The following TXNDC16 variants were observed in gnomAD, a reference collection of about 807,000 sequenced individuals.
TXNDC16 encodes thioredoxin domain containing 16, also known as thioredoxin domain-containing protein 16.
In TXNDC16, 74 loss-of-function variants were observed where a neutral mutation model predicts 85.6. That is an observed-to-expected ratio of 0.86 (90% CI 0.72 to 1.05). The LOEUF (loss-of-function observed/expected upper bound fraction) is 1.05. TXNDC16 is among the 50% of genes least tolerant of loss of function. The pLI is 0.00. For missense variants in TXNDC16, 959 were observed against 947.0 expected, an observed-to-expected ratio of 1.01 and a Z score of -0.17; for synonymous variants, 335 against 326.5, an observed-to-expected ratio of 1.03 and a Z score of -0.28.
chr14:52,471,111 T>C (rs374331436), intron 14 of TXNDC16, among the ~76,000 whole-genome samples: 24 of 152,358 alleles, frequency 1.6e-4, no homozygotes, highest in Middle Eastern at 3.4e-3. Context: ...ACTCAACAAG[T>C]CTAAAACCAT....
At chr14:52,491,065 A>C in intron 9 of TXNDC16, 60 bp from the exon 10 acceptor site, 2 of 1,495,194 alleles carry the variant, frequency 1.3e-6, no homozygotes, top group East Asian at 2.4e-5. Flanking sequence ...TTTGGATTTA[A>C]ATTCTCCTAA....
chr14:52,445,232 T>C (rs1402959012), intron 18 of TXNDC16, among the ~76,000 whole-genome samples: 1 of 152,186 alleles, frequency 6.6e-6, no homozygotes, highest in African/African-American at 2.4e-5. Context: ...TAATAACATG[T>C]CATTAATAAC....
At chr14:52,525,625 G>GAGGCGGAGGTTGCAGTGA (rs1483050156) in intron 6 of TXNDC16, among the ~76,000 whole-genome samples, 2 of 151,156 alleles carry the variant, frequency 1.3e-5, no homozygotes, top group African/African-American at 4.9e-5. Context: ...TTGAACCCAG[G>GAGGCGGAGGTTGCAGTGA]AGGCGGAGGT....
At chr14:52,519,077 T>C (rs1330496563) in intron 7 of TXNDC16, 95 bp downstream of exon 7, 2 of 1,245,736 alleles carry the variant, frequency 1.6e-6, no homozygotes, top group East Asian at 2.4e-5. Flanking sequence ...ATTTTAAATA[T>C]TACGACTGTA....
chr14:52,459,713 C>A (rs774239080), intron 16 of TXNDC16, among the ~76,000 whole-genome samples: 1 of 152,198 alleles, frequency 6.6e-6, no homozygotes, highest in African/African-American at 2.4e-5. Context: ...AAAAGCTAAT[C>A]TACCACAATC....
At chr14:52,531,732 G>A (rs1454692556) in intron 6 of TXNDC16, among the ~76,000 whole-genome samples, 1 of 152,146 alleles carries the variant, frequency 6.6e-6, no homozygotes, top group Non-Finnish European at 1.5e-5. Context: ...TGGTAGAAAT[G>A]TGTCATACAT....
At chr14:52,459,300 A>G (rs1296441296) in intron 16 of TXNDC16, among the ~76,000 whole-genome samples, 1 of 152,092 alleles carries the variant, frequency 6.6e-6, no homozygotes, top group Non-Finnish European at 1.5e-5. Context: ...TAACCCCTAT[A>G]TTATACAAAC....
chr14:52,434,943 TC>T lies in TXNDC16; in HGVS notation c.2195-2357del, dbSNP rs531043892. Among the ~76,000 whole-genome samples the T allele has an allele frequency of 2.2e-3, 339 of 152,332 alleles. 2 individuals carry two copies. The highest frequency in any genetic ancestry group is 7.9e-3 in the African/African-American group (328 of 41,576). Reference sequence around the variant, plus strand: ...TTGCAATAGAAGACACGCCAGTCTCTCAGAAAACTCAGAAGTATAACGTTGA... The same window carrying T: ...TTGCAATAGAAGACACGCCAGTCTCTAGAAAACTCAGAAGTATAACGTTGA... On this transcript the variant is annotated intron_variant, in intron 20 of 20. Coordinates refer to ENST00000281741, the MANE Select transcript of TXNDC16 (RefSeq NM_020784.3).
chr14:52,481,209 G>A (rs888343905), intron 14 of TXNDC16, among the ~76,000 whole-genome samples: 8 of 151,690 alleles, frequency 5.3e-5, no homozygotes, highest in Non-Finnish European at 1.0e-4. Context: ...TGGGAATAGG[G>A]TAAGAAATAC....
intron 6 of TXNDC16, among the ~76,000 whole-genome samples, chr14:52,520,394 C>T (rs1456998577): frequency 1.3e-5 from 2 of 152,124 alleles, no homozygotes; most frequent in Admixed American, 1.3e-4. Flanking sequence ...GAGGCCGAGG[C>T]GGGCGGATCA....
chr14:52,521,649 T>G (rs536474419), intron 6 of TXNDC16, among the ~76,000 whole-genome samples: 3 of 152,326 alleles, frequency 2.0e-5, no homozygotes, highest in African/African-American at 7.2e-5. Flanking sequence ...TTATGCTGGC[T>G]TAAATATTTA....
chr14:52,529,587 G>A (rs1364041402), intron 6 of TXNDC16, among the ~76,000 whole-genome samples: 1 of 84,426 alleles, frequency 1.2e-5, no homozygotes, highest in East Asian at 3.5e-4. Flanking sequence ...TATATATAAT[G>A]CCTATTATAT....
Position 52,519,427 on chromosome 14 carries a change from T to C in TXNDC16, c.393-134A>G, listed in dbSNP as rs2037160016. On this transcript the variant is annotated intron_variant, in intron 6 of 20. Coordinates refer to ENST00000281741, the MANE Select transcript of TXNDC16 (RefSeq NM_020784.3). The stretch of plus-strand genomic sequence containing the variant: ...ATTATCAGTAGTAATAATGTAAGCA[T>C]TTTAATAATACTAAATTAGAATCAC... 7.9e-6 allele frequency: 5 copies of C among 636,800 alleles called. No individual in the cohort carries two copies. In the South Asian group the frequency reaches 1.1e-4, roughly 14 times the overall value. The allele number at this position is 636,800 out of a possible 1,614,324, so 39.4% of individuals were successfully genotyped here. A position where few individuals can be genotyped will look rare whatever the true frequency, so the allele number is the denominator to read the frequency against.
chr14:52,501,708 C>A (rs2036662857), intron 9 of TXNDC16, among the ~76,000 whole-genome samples: 1 of 152,164 alleles, frequency 6.6e-6, no homozygotes, highest in African/African-American at 2.4e-5. Flanking sequence ...CTATCTCATT[C>A]CAGTTAACTA....
In TXNDC16 at chr14:52,519,237, A is replaced by G; in HGVS notation, c.449T>C (p.Ile150Thr). 1 of 1,609,812 alleles carries G rather than the reference A, an allele frequency of 6.2e-7. No homozygotes were observed. The highest frequency in any genetic ancestry group is 1.9e-4 in the Middle Eastern group (1 of 5,284). Residue 150 changes from isoleucine to threonine, a missense_variant, in exon 7 of 21, where the codon ATA becomes ACA. Ile to Thr is a moderately conservative substitution (Grantham distance 89). Coordinates refer to ENST00000281741, the MANE Select transcript of TXNDC16 (RefSeq NM_020784.3). ...TGCTTTTCCTTTCAGAGCATTTTCT[A>G]TGTTCTGAAGGTCTTCCAGGTTGGT... ...YITNLEDLQN[I>T]ENALKGKANI...
chr14:52,438,996 A>T (rs551929789), intron 20 of TXNDC16, among the ~76,000 whole-genome samples: 1 of 152,310 alleles, frequency 6.6e-6, no homozygotes, highest in African/African-American at 2.4e-5. Context: ...GGACTCAATG[A>T]ATTAAAATTC....
rs574759616 is a variant in TXNDC16 at position 52,485,264 on chromosome 14, A to G, written c.1109-2299T>C. 7.9e-5 allele frequency among the ~76,000 whole-genome samples: 12 copies of G among 152,348 alleles called. No homozygotes were observed. The East Asian group carries it at 2.1e-3, about 27-fold the overall frequency. On this transcript the variant is annotated intron_variant, in intron 12 of 20. Coordinates refer to ENST00000281741, the MANE Select transcript of TXNDC16 (RefSeq NM_020784.3). ...AAAACGTAAAACATAAAAGTTTTAA[A>G]TGGAAAAAAGCTTATAGCATAAGGA... is the stretch of plus-strand genomic sequence containing the variant.
At chr14:52,473,780 C>A (rs972772547) in intron 14 of TXNDC16, among the ~76,000 whole-genome samples, 7 of 152,144 alleles carry the variant, frequency 4.6e-5, no homozygotes, top group Non-Finnish European at 8.8e-5. Context: ...TTGCTGCCAC[C>A]TTGTGACAGA....
intron 6 of TXNDC16, among the ~76,000 whole-genome samples, chr14:52,529,238 A>G (rs2037415375): frequency 6.7e-6 from 1 of 149,692 alleles, no homozygotes; most frequent in African/African-American, 2.4e-5. Flanking sequence ...CAAAAAACCA[A>G]ACACCGCATG....
Sources: gnomAD v4.1 joint callset for allele counts (sites outside exome capture counted in the v4.1 genomes callset) on GRCh38, gnomAD v4.1.1 for gene constraint, MANE v1.5 for transcripts, NCBI Gene and HGNC (gene_info 2026-07-23, HGNC 2026-07-21) for gene names.